The following RBFOX1 variants were observed in gnomAD, a reference collection of about 807,000 sequenced individuals.
The protein encoded by RBFOX1 is RNA binding protein fox-1 homolog 1.
In RBFOX1, 8 loss-of-function variants were observed where a neutral mutation model predicts 57.7. The ratio of observed to expected loss-of-function variants is 0.14; its 90% CI spans 0.08 to 0.25. RBFOX1 has a LOEUF of 0.25. Among genes scored for constraint, RBFOX1 ranks in the 10% least tolerant of loss-of-function variants. The pLI is 1.00. For missense variants in RBFOX1, 611 were observed against 548.5 expected, an observed-to-expected ratio of 1.11 and a Z score of -1.14; for synonymous variants, 326 against 222.4, an observed-to-expected ratio of 1.47 and a Z score of -4.15.
intron 3 of RBFOX1, among the ~76,000 whole-genome samples, chr16:6,905,516 G>A (rs1050210167): frequency 6.7e-6 from 1 of 150,218 alleles, no homozygotes; most frequent in Non-Finnish European, 1.5e-5. Flanking sequence ...TGATGCCACT[G>A]CACTCTAGCC....
intron 3 of RBFOX1, among the ~76,000 whole-genome samples, chr16:6,957,292 A>G (rs988837538): frequency 6.6e-6 from 1 of 151,444 alleles, no homozygotes; most frequent in South Asian, 2.1e-4. Context: ...CCACTGCGCC[A>G]GGCTAATTTT....
At chr16:5,907,089 A>C (rs1366743973) in intron 4 of RBFOX1, among the ~76,000 whole-genome samples, 1 of 151,904 alleles carries the variant, frequency 6.6e-6, no homozygotes, top group Admixed American at 6.6e-5. Context: ...TTTAGGGAGG[A>C]GATGGGGGTT....
At chr16:7,080,042 G>GTATATATATACATATTATA (rs1555455699) in intron 4 of RBFOX1, among the ~76,000 whole-genome samples, 22 of 142,082 alleles carry the variant, frequency 1.5e-4, no homozygotes, top group African/African-American at 5.6e-4. Flanking sequence ...GTATATAGAT[G>GTATATATATACATATTATA]TATATATATA....
At chr16:7,163,059 C>T (rs180703325) in intron 4 of RBFOX1, among the ~76,000 whole-genome samples, 122 of 152,274 alleles carry the variant, frequency 8.0e-4, no homozygotes, top group Non-Finnish European at 1.3e-3. Flanking sequence ...GTATTATGCC[C>T]ATCTTGTTTA....
chr16:6,386,390 A>T (rs149724225), intron 2 of RBFOX1, among the ~76,000 whole-genome samples: 2 of 152,216 alleles, frequency 1.3e-5, no homozygotes, highest in Admixed American at 1.3e-4. Context: ...TTCTATCATG[A>T]TTATCATCCA....
At chr16:7,106,538 G>C (rs1474247085) in intron 4 of RBFOX1, among the ~76,000 whole-genome samples, 2 of 151,938 alleles carry the variant, frequency 1.3e-5, no homozygotes, top group Non-Finnish European at 1.5e-5. Context: ...TTGCCTTTTG[G>C]CTTAAACATT....
chr16:5,375,211 C>G (rs574345852), intron 1 of RBFOX1, among the ~76,000 whole-genome samples: 3 of 151,496 alleles, frequency 2.0e-5, no homozygotes, highest in African/African-American at 7.3e-5. Flanking sequence ...GTCATTGTGA[C>G]TCTTGGAGAG....
chr16:7,400,589 A>C (rs1469051581), intron 4 of RBFOX1, among the ~76,000 whole-genome samples: 2 of 152,206 alleles, frequency 1.3e-5, no homozygotes, highest in African/African-American at 2.4e-5. Context: ...CCCAGCAAGA[A>C]GAAATTTGGA....
At chr16:6,919,047 C>G (rs949688841) in intron 3 of RBFOX1, among the ~76,000 whole-genome samples, 1 of 152,284 alleles carries the variant, frequency 6.6e-6, no homozygotes, top group African/African-American at 2.4e-5. Flanking sequence ...CAGGTAGGAT[C>G]TCAGCTCACT....
chr16:7,672,506 C>T (rs991251174), intron 13 of RBFOX1, among the ~76,000 whole-genome samples: 1 of 152,052 alleles, frequency 6.6e-6, no homozygotes, highest in Non-Finnish European at 1.5e-5. Flanking sequence ...GTTAAAATTC[C>T]TGAGATGAAC....
chr16:6,254,036 C>T (rs1389260800), intron 1 of RBFOX1, among the ~76,000 whole-genome samples: 1 of 152,154 alleles, frequency 6.6e-6, no homozygotes, highest in Non-Finnish European at 1.5e-5. Context: ...TTAGCTCTCT[C>T]TGATACAGCC....
chr16:6,784,671 A>C (rs971239286), intron 3 of RBFOX1, among the ~76,000 whole-genome samples: 1 of 151,052 alleles, frequency 6.6e-6, no homozygotes, highest in Non-Finnish European at 1.5e-5. Flanking sequence ...TTCTCCTTGC[A>C]TGAGGGCATT....
intron 4 of RBFOX1, among the ~76,000 whole-genome samples, chr16:7,323,079 C>CT: frequency 6.6e-6 from 1 of 152,186 alleles, no homozygotes; most frequent in South Asian, 2.1e-4. Context: ...TTGAGATTGA[C>CT]TAAGGGGTGG....
chr16:6,506,512 T>G (rs74982248), intron 2 of RBFOX1, among the ~76,000 whole-genome samples: 13,191 of 152,010 alleles, frequency 0.087, 677 homozygotes, highest in Middle Eastern at 0.13. Context: ...GCGTCAGGGT[T>G]AAGTGGGGAC....
intron 1 of RBFOX1, among the ~76,000 whole-genome samples, chr16:5,248,158 T>A (rs2062350693): frequency 6.6e-6 from 1 of 152,136 alleles, no homozygotes; most frequent in African/African-American, 2.4e-5. Flanking sequence ...AGCCCCCAAA[T>A]TACTAGGAAG....
rs568118299 is a variant in RBFOX1 at position 7,679,725 on chromosome 16, C to G, written c.995+2887C>G. On this transcript the variant is annotated intron_variant, in intron 14 of 15. Coordinates refer to ENST00000550418, the MANE Select transcript of RBFOX1 (RefSeq NM_018723.4). ...GTCCTTAATGGGCACCTTGCAACTCCCTGCCCATCATCTTCTTGGTTAAAT... is the reference window on the plus strand; with the variant it reads ...GTCCTTAATGGGCACCTTGCAACTCGCTGCCCATCATCTTCTTGGTTAAAT... Among the ~76,000 whole-genome samples the G allele has an allele frequency of 2.0e-5, 3 of 152,014 alleles. No individual in the cohort carries two copies. The South Asian group carries it at 6.2e-4, about 32-fold the overall frequency.
chr16:7,176,973 T>A (rs2081794749), intron 4 of RBFOX1, among the ~76,000 whole-genome samples: 1 of 152,176 alleles, frequency 6.6e-6, no homozygotes, highest in Non-Finnish European at 1.5e-5. Flanking sequence ...ATTTACAAGG[T>A]AGTTTTCAAT....
At chr16:7,293,990 C>T (rs768848692) in intron 4 of RBFOX1, among the ~76,000 whole-genome samples, 1 of 152,106 alleles carries the variant, frequency 6.6e-6, no homozygotes, top group African/African-American at 2.4e-5. Context: ...GACAACTCAT[C>T]TTGTACTTTA....
chr16:6,114,973 A>T (rs911018656), intron 1 of RBFOX1, among the ~76,000 whole-genome samples: 4 of 152,224 alleles, frequency 2.6e-5, no homozygotes, highest in Non-Finnish European at 4.4e-5. Context: ...TTAAGGGACA[A>T]GTTAATGCAA....
Sources: gnomAD v4.1 joint callset for allele counts (sites outside exome capture counted in the v4.1 genomes callset) on GRCh38, gnomAD v4.1.1 for gene constraint, MANE v1.5 for transcripts, NCBI Gene and HGNC (gene_info 2026-07-23, HGNC 2026-07-21) for gene names.